TCF7L2: variants seen among roughly 807,000 people sequenced by gnomAD.
TCF7L2 encodes the protein transcription factor 7 like 2.
TCF7L2 carries 23 observed loss-of-function variants against 77.9 expected under a neutral mutation model. That is an observed-to-expected ratio of 0.30 (90% CI 0.21 to 0.42). The LOEUF (loss-of-function observed/expected upper bound fraction) is 0.42, where lower values mean the gene tolerates loss of function less well. Among genes scored for constraint, TCF7L2 ranks in the 10% least tolerant of loss-of-function variants. The pLI is 1.00. For missense variants in TCF7L2, 654 were observed against 793.1 expected, an observed-to-expected ratio of 0.82 and a Z score of 2.11; for synonymous variants, 413 against 340.2, an observed-to-expected ratio of 1.21 and a Z score of -2.36.
chr10:113,070,270 TA>T (rs1488117483), intron 5 of TCF7L2, among the ~76,000 whole-genome samples: 3 of 27,112 alleles, frequency 1.1e-4, no homozygotes, highest in African/African-American at 9.1e-4. Context: ...AAAAAAAATT[TA>T]TATATATATA....
chr10:113,156,515 CAT>C (rs2071929897), intron 11 of TCF7L2, among the ~76,000 whole-genome samples: 1 of 152,188 alleles, frequency 6.6e-6, no homozygotes, highest in Non-Finnish European at 1.5e-5. Flanking sequence ...TGTTCTGAAA[CAT>C]ATAGCAGTGT....
At position 113,151,071 on chromosome 10, in the gene TCF7L2, C is replaced by A. The variant is rs553865271; in HGVS notation, c.949C>A (p.Pro317Thr). The change falls in exon 9 of 14, where the codon CCA (proline) becomes ACA (threonine). Residue 317 changes from proline to threonine, a missense_variant. Pro to Thr is a conservative substitution (Grantham distance 38, BLOSUM62 -1). This residue lies in a region of TCF7L2 where 179 missense variants were observed against 270.6 expected (regional missense o/e 0.66). Coordinates refer to ENST00000627217, the MANE Select transcript of TCF7L2 (RefSeq NM_001146274.2). This position sits in a 1 kb window ranked among gnomAD's most constrained non-coding sequence, Gnocchi z 5.2. ...CATTCCGCATCCGGCCATAGTCACA[C>A]CAACAGTCAAACAGGAATCGTCCCA... The A allele has an allele frequency of 2.2e-5, 36 of 1,614,188 alleles. No homozygotes were observed. The South Asian group carries it at 4.0e-4, about 18-fold the overall frequency.
At chr10:112,964,454 G>C in intron 3 of TCF7L2, 102 bp from the exon 4 acceptor site, 1 of 1,027,532 alleles carries the variant, frequency 9.7e-7, no homozygotes. Context: ...CAAGGCTGCA[G>C]TTCAATCTAG....
chr10:112,979,851 A>G (rs1199182753), intron 4 of TCF7L2, among the ~76,000 whole-genome samples: 2 of 152,234 alleles, frequency 1.3e-5, no homozygotes, highest in Admixed American at 6.5e-5. Flanking sequence ...TGATCTAGTT[A>G]CCAGTAGAAT....
intron 4 of TCF7L2, among the ~76,000 whole-genome samples, chr10:113,026,221 G>A (rs963400009): frequency 9.9e-5 from 15 of 151,748 alleles, no homozygotes; most frequent in Admixed American, 7.2e-4. Context: ...GCACAGTCTC[G>A]GCTCACTGCA....
intron 5 of TCF7L2, chr10:113,126,904 G>A (rs957202045): frequency 1.1e-4 from 112 of 985,152 alleles, no homozygotes; most frequent in Non-Finnish European, 3.0e-5. Context: ...GGCGGCGGGC[G>A]GGCGGGCAGG....
chr10:113,049,195 G>A (rs142074200), intron 5 of TCF7L2, among the ~76,000 whole-genome samples: 2 of 151,446 alleles, frequency 1.3e-5, no homozygotes, highest in African/African-American at 2.4e-5. Flanking sequence ...CTGCCCCCCC[G>A]CCCCCTGACT....
At chr10:113,104,821 A>G (rs1379873282) in intron 5 of TCF7L2, among the ~76,000 whole-genome samples, 2 of 152,172 alleles carry the variant, frequency 1.3e-5, no homozygotes, top group Non-Finnish European at 2.9e-5. Flanking sequence ...GCTAGGGTCT[A>G]AGGCAGACAA....
At chr10:112,984,072 G>A (rs2041017771) in intron 4 of TCF7L2, among the ~76,000 whole-genome samples, 1 of 152,220 alleles carries the variant, frequency 6.6e-6, no homozygotes, top group South Asian at 2.1e-4. Context: ...GCAGCAGGCT[G>A]AATTAAAACA....
At chr10:113,104,534 G>A (rs767846754) in intron 5 of TCF7L2, among the ~76,000 whole-genome samples, 35 of 152,112 alleles carry the variant, frequency 2.3e-4, no homozygotes, top group East Asian at 1.5e-3. Flanking sequence ...CCTTTTCAGG[G>A]CAATGCAGCC....
At chr10:113,032,097 T>A (rs111864872) in intron 4 of TCF7L2, among the ~76,000 whole-genome samples, 1,681 of 152,340 alleles carry the variant, frequency 0.011, 7 homozygotes, top group Non-Finnish European at 0.018. Flanking sequence ...CTTCCCTTTC[T>A]ACCATACTTT....
At chr10:113,029,449 C>T (rs958119445) in intron 4 of TCF7L2, among the ~76,000 whole-genome samples, 4 of 151,418 alleles carry the variant, frequency 2.6e-5, no homozygotes, top group Non-Finnish European at 4.4e-5. Context: ...TTGTATAGAA[C>T]GGGTTCACAG....
chr10:113,001,733 T>C (rs2044523740), intron 4 of TCF7L2, among the ~76,000 whole-genome samples: 2 of 152,226 alleles, frequency 1.3e-5, no homozygotes, highest in African/African-American at 2.4e-5. Context: ...ACTCGTTGTT[T>C]ACACGAAGGG....
intron 3 of TCF7L2, among the ~76,000 whole-genome samples, chr10:112,961,822 C>T (rs1201725389): frequency 3.3e-5 from 2 of 61,378 alleles, no homozygotes; most frequent in South Asian, 6.7e-4. Flanking sequence ...AGGGAAGTTA[C>T]GTGGCTGGGG....
intron 5 of TCF7L2, among the ~76,000 whole-genome samples, chr10:113,064,439 A>G (rs759949066): frequency 2.0e-5 from 3 of 152,266 alleles, no homozygotes; most frequent in Non-Finnish European, 4.4e-5. Flanking sequence ...CATGGATGTT[A>G]AAGAACATTA....
At chr10:113,067,943 A>G (rs2057461854) in intron 5 of TCF7L2, among the ~76,000 whole-genome samples, 1 of 152,194 alleles carries the variant, frequency 6.6e-6, no homozygotes. Flanking sequence ...TTTGAGAACC[A>G]GGATTTTCCT....
intron 4 of TCF7L2, among the ~76,000 whole-genome samples, chr10:113,031,217 A>G (rs1011737436): frequency 2.0e-5 from 3 of 152,216 alleles, no homozygotes; most frequent in Non-Finnish European, 2.9e-5. Flanking sequence ...TGACCACCTA[A>G]AAAGGATGTA....
In TCF7L2 at chr10:113,151,615, C is replaced by G; in HGVS notation, c.1002-110C>G. 7.3e-7 allele frequency: 1 copy of G among 1,372,658 alleles called. No homozygotes were observed. Among genetic ancestry groups the G allele is most frequent in the African/African-American group, 1.5e-5 (1 of 68,388 alleles). 85.0% of individuals were successfully genotyped at this position (1,372,658 alleles called of 1,614,324 possible). Reference sequence around the variant, plus strand: ...AGAACTAAAAGCATGCTTTTTAATCCAAAACTGCTAGGCTTGGGGGTTATG... The same window carrying G: ...AGAACTAAAAGCATGCTTTTTAATCGAAAACTGCTAGGCTTGGGGGTTATG... On this transcript the variant is annotated intron_variant, in intron 9 of 13. Coordinates refer to ENST00000627217, the MANE Select transcript of TCF7L2 (RefSeq NM_001146274.2). The surrounding 1 kb of genome is among the most constrained non-coding windows in gnomAD (Gnocchi z 5.2).
intron 5 of TCF7L2, among the ~76,000 whole-genome samples, chr10:113,087,003 C>G (rs1401774134): frequency 6.7e-6 from 1 of 148,406 alleles, no homozygotes; most frequent in Non-Finnish European, 1.5e-5. Flanking sequence ...CACACACACA[C>G]AAGAAAAAAA....
Sources: gnomAD v4.1 joint callset for allele counts (sites outside exome capture counted in the v4.1 genomes callset) on GRCh38, gnomAD v4.1.1 for gene constraint, gnomAD v4.1.1 regional missense constraint, Gnocchi (gnomAD v3.1) non-coding constraint, MANE v1.5 for transcripts, NCBI Gene and HGNC (gene_info 2026-07-23, HGNC 2026-07-21) for gene names.